The following DAB1 variants were observed in gnomAD, a reference collection of about 807,000 sequenced individuals.
DAB1 encodes the protein disabled homolog 1.
Under a neutral mutation model 64.6 loss-of-function variants are expected in DAB1, and 15 were observed. The ratio of observed to expected loss-of-function variants is 0.23; its 90% CI spans 0.16 to 0.36. The LOEUF is 0.36. DAB1 is among the 10% of genes least tolerant of loss of function. The probability of loss-of-function intolerance (pLI) is 1.00; values close to 1 mark genes in which losing one functional copy is unlikely to be tolerated. For synonymous variants in DAB1, 235 were observed against 251.9 expected (o/e 0.93, Z 0.64); for missense variants, 596 against 706.7 (o/e 0.84, Z 1.78).
At chr1:57,304,046 C>T (rs1012860088) in intron 1 of DAB1, among the ~76,000 whole-genome samples, 24 of 152,046 alleles carry the variant, frequency 1.6e-4, no homozygotes, top group Non-Finnish European at 2.8e-4. Flanking sequence ...AGTCCATTCT[C>T]GTATTGCTAT....
intron 14 of DAB1, among the ~76,000 whole-genome samples, chr1:57,002,514 A>G (rs961579200): frequency 1.3e-5 from 2 of 152,248 alleles, no homozygotes; most frequent in African/African-American, 4.8e-5. Flanking sequence ...GATTATCCCA[A>G]CAATACTTAT....
intron 4 of DAB1, among the ~76,000 whole-genome samples, chr1:58,225,956 TAAA>T (rs5774402): frequency 2.4e-4 from 32 of 130,894 alleles, no homozygotes; most frequent in Admixed American, 3.1e-4. Context: ...AACTTAGTAT[TAAA>T]AAAAAAAAAA....
chr1:58,150,797 T>C (rs1654883817), intron 4 of DAB1, among the ~76,000 whole-genome samples: 1 of 152,038 alleles, frequency 6.6e-6, no homozygotes, highest in Non-Finnish European at 1.5e-5. Flanking sequence ...CATTAACTCA[T>C]CATTTACATT....
chr1:57,315,706 G>A (rs1163473120), intron 1 of DAB1, among the ~76,000 whole-genome samples: 1 of 152,144 alleles, frequency 6.6e-6, no homozygotes, highest in Non-Finnish European at 1.5e-5. Flanking sequence ...GTCTCACCAT[G>A]TTAGCCAGGA....
In DAB1 at chr1:57,590,724, T is replaced by C. The variant is rs1401660076; in HGVS notation, n.625+58868A>G. Among the ~76,000 whole-genome samples, 8 of 137,086 alleles carry C rather than the reference T, an allele frequency of 5.8e-5. No individual in the cohort carries two copies. The East Asian group carries it at 8.6e-4, about 15-fold the overall frequency. 89.9% of individuals were successfully genotyped at this position (137,086 alleles called of 152,430 possible). A position where few individuals can be genotyped will look rare whatever the true frequency, so the allele number is the denominator to read the frequency against. ...GAATTTGAGGGTGGGAAGGAACACA[T>C]TGTAGTCCGTAACACACACACACAC... is the stretch of plus-strand genomic sequence containing the variant. On this transcript the variant is annotated intron_variant and non_coding_transcript_variant, in intron 7 of 20. Transcript: ENST00000485760.
chr1:58,487,389 C>T (rs968212832), intron 3 of DAB1, among the ~76,000 whole-genome samples: 1 of 152,146 alleles, frequency 6.6e-6, no homozygotes, highest in African/African-American at 2.4e-5. Flanking sequence ...AATATAATAT[C>T]GTATTGTCAA....
rs368407036 is a variant in DAB1, at chr1:57,706,998, C to T, written n.552-57333G>A. On this transcript the variant is annotated intron_variant and non_coding_transcript_variant, in intron 6 of 20. Coordinates refer to the DAB1 transcript ENST00000485760. Reference sequence around the variant, plus strand: ...CTGAGGCTGGAGAATCGCTTGAACCCGGGAAGTGGAGGTTGCAGTGAGCCG... The same window carrying T: ...CTGAGGCTGGAGAATCGCTTGAACCTGGGAAGTGGAGGTTGCAGTGAGCCG... Among the ~76,000 whole-genome samples the T allele has an allele frequency of 8.5e-5, 13 of 152,146 alleles. No homozygotes were observed. In the East Asian group the frequency reaches 1.4e-3, roughly 16 times the overall value.
chr1:57,111,391 G>T (rs1655641135), intron 4 of DAB1, among the ~76,000 whole-genome samples: 1 of 152,124 alleles, frequency 6.6e-6, no homozygotes, highest in South Asian at 2.1e-4. Context: ...TCATGACACA[G>T]TCCAGACAAC....
chr1:58,495,701 T>TAAAAA (rs5774412), intron 3 of DAB1, among the ~76,000 whole-genome samples: 43 of 145,070 alleles, frequency 3.0e-4, no homozygotes, highest in African/African-American at 1.0e-3. Context: ...TCTTCCACCA[T>TAAAAA]AAAAAAAAAA....
At chr1:57,014,828 C>T (rs1646372155) in intron 12 of DAB1, 55 bp downstream of exon 12, 1 of 1,450,416 alleles carries the variant, frequency 6.9e-7, no homozygotes, top group South Asian at 1.4e-5. Flanking sequence ...ACCCCGCCTC[C>T]AGACATGAGT....
At chr1:58,109,244 A>G (rs1651837255) in intron 5 of DAB1, among the ~76,000 whole-genome samples, 1 of 152,218 alleles carries the variant, frequency 6.6e-6, no homozygotes, top group African/African-American at 2.4e-5. Flanking sequence ...CAGGTCTAAC[A>G]CATGTTTTGT....
chr1:57,321,747 A>G (rs1176088744), intron 1 of DAB1, among the ~76,000 whole-genome samples: 1 of 152,186 alleles, frequency 6.6e-6, no homozygotes, highest in Non-Finnish European at 1.5e-5. Flanking sequence ...AGGATGAAAG[A>G]TGATAATGAA....
intron 4 of DAB1, among the ~76,000 whole-genome samples, chr1:57,087,734 C>G (rs1653236433): frequency 6.6e-6 from 1 of 152,214 alleles, no homozygotes; most frequent in Non-Finnish European, 1.5e-5. Flanking sequence ...GTTGGATTAG[C>G]TGCCTCTGTT....
intron 4 of DAB1, among the ~76,000 whole-genome samples, chr1:58,336,750 T>A (rs111324664): frequency 4.1e-4 from 63 of 152,328 alleles, no homozygotes; most frequent in African/African-American, 1.2e-3. Flanking sequence ...ACATGTTTGC[T>A]AATAGCTAGG....
At chr1:57,145,468 C>G (rs1399004523) in intron 2 of DAB1, 39 bp from the exon 3 acceptor site, 3 of 1,609,346 alleles carry the variant, frequency 1.9e-6, no homozygotes, top group African/African-American at 1.3e-5. Context: ...TGTAGCTGTG[C>G]AGACCCCAGT....
chr1:57,494,456 G>T (rs1644205661), intron 7 of DAB1, among the ~76,000 whole-genome samples: 1 of 152,118 alleles, frequency 6.6e-6, no homozygotes, highest in African/African-American at 2.4e-5. Context: ...GTGCCCAAGT[G>T]CAGCTGAAAG....
chr1:58,251,755 G>A (rs891537134), intron 4 of DAB1, among the ~76,000 whole-genome samples: 1 of 152,122 alleles, frequency 6.6e-6, no homozygotes, highest in Non-Finnish European at 1.5e-5. Flanking sequence ...AGTTTTGGGG[G>A]TTAGAGATGT....
At chr1:57,311,266 C>A (rs924849) in intron 1 of DAB1, among the ~76,000 whole-genome samples, 1 of 151,992 alleles carries the variant, frequency 6.6e-6, no homozygotes, top group African/African-American at 2.4e-5. Context: ...GATTGCTAAG[C>A]AGTCCCACGT....
At chr1:57,207,356 A>G (rs1462234730) in intron 2 of DAB1, among the ~76,000 whole-genome samples, 1 of 151,628 alleles carries the variant, frequency 6.6e-6, no homozygotes, top group Non-Finnish European at 1.5e-5. Flanking sequence ...TCAGTTCATG[A>G]GTTCCCCTAA....
Sources: gnomAD v4.1 joint callset for allele counts (sites outside exome capture counted in the v4.1 genomes callset) on GRCh38, gnomAD v4.1.1 for gene constraint, MANE v1.5 for transcripts, NCBI Gene and HGNC (gene_info 2026-07-23, HGNC 2026-07-21) for gene names.